XPO7: variants seen among roughly 807,000 people sequenced by gnomAD.
XPO7 encodes exportin-7.
A neutral mutation model predicts 144.3 loss-of-function variants in XPO7; 21 were observed. That is an observed-to-expected ratio of 0.15 (90% CI 0.10 to 0.21). The LOEUF is 0.21. Among genes scored for constraint, XPO7 ranks in the 10% least tolerant of loss-of-function variants. XPO7 has a pLI of 1.00. For synonymous variants in XPO7, 580 were observed against 499.6 expected, an observed-to-expected ratio of 1.16 and a Z score of -2.15; for missense variants, 808 against 1,325.8, an observed-to-expected ratio of 0.61 and a Z score of 6.06.
intron 1 of XPO7, among the ~76,000 whole-genome samples, chr8:21,955,333 C>T (rs1811501921): frequency 6.6e-6 from 1 of 152,040 alleles, no homozygotes; most frequent in African/African-American, 2.4e-5. Flanking sequence ...TGTCTTTTGT[C>T]TTTGGAACAT....
chr8:21,948,312 A>G (rs1811257907), intron 1 of XPO7, among the ~76,000 whole-genome samples: 1 of 152,172 alleles, frequency 6.6e-6, no homozygotes, highest in African/African-American at 2.4e-5. Flanking sequence ...TACTTTAAAC[A>G]TACCTGCTTA....
intron 4 of XPO7, among the ~76,000 whole-genome samples, 196 bp downstream of exon 4, chr8:21,970,506 AAAAC>A (rs1194684468): frequency 6.6e-6 from 1 of 152,218 alleles, no homozygotes; most frequent in Admixed American, 6.5e-5. Flanking sequence ...CATGTTGGCA[AAAAC>A]AAACCATGTC....
At position 21,984,682 on chromosome 8, in the gene XPO7, G is replaced by C. The variant is rs369734325; in HGVS notation, c.1314G>C (p.Leu438=). ...GLEDPLEDTG[L]VQQQLDQLST... ...AAGATCCCCTGGAGGATACGGGGCT[G>C]GTCCAGCAGCAGTTGGACCAGCTGT... is the stretch of plus-strand genomic sequence containing the variant. The change falls in exon 12 of 28, where the codon CTG becomes CTC. Residue 438 remains leucine, a synonymous_variant. Transcript: ENST00000252512. 1 of 1,613,636 alleles carries C rather than the reference G, an allele frequency of 6.2e-7. No individual in the cohort carries two copies. The highest frequency in any genetic ancestry group is 1.3e-5 in the African/African-American group (1 of 74,918).
chr8:21,959,262 A>G (rs1811641029), intron 1 of XPO7, among the ~76,000 whole-genome samples: 1 of 152,198 alleles, frequency 6.6e-6, no homozygotes, highest in South Asian at 2.1e-4. Flanking sequence ...GTGTGCGCTC[A>G]TGCAAGCAAT....
At chr8:21,981,934 G>C in intron 10 of XPO7, 57 bp downstream of exon 10, 2 of 1,597,354 alleles carry the variant, frequency 1.3e-6, no homozygotes, top group Non-Finnish European at 1.7e-6. Flanking sequence ...CTTGCTTGTT[G>C]GTTTTAACCA....
intron 1 of XPO7, among the ~76,000 whole-genome samples, chr8:21,934,977 A>G (rs1207723115): frequency 1.3e-5 from 2 of 152,232 alleles, no homozygotes; most frequent in Non-Finnish European, 2.9e-5. Flanking sequence ...TAATGAAGAA[A>G]AAACTTCATA....
At chr8:21,966,147 G>A (rs948740194) in intron 1 of XPO7, 1 of 643,554 alleles carries the variant, frequency 1.6e-6, no homozygotes, top group Non-Finnish European at 2.8e-6. Context: ...GATTTGGAGA[G>A]AAGAGTTTGC....
chr8:21,935,096 C>T (rs1810779203), intron 1 of XPO7, among the ~76,000 whole-genome samples: 1 of 152,204 alleles, frequency 6.6e-6, no homozygotes, highest in African/African-American at 2.4e-5. Context: ...CCACACTTCC[C>T]ATTTGCATCA....
In XPO7 at chr8:21,982,717, C is replaced by G. The variant is rs200211681; in HGVS notation, c.1182C>G (p.Val394=). The G allele has an allele frequency of 2.5e-6, 4 of 1,613,922 alleles. No individual in the cohort carries two copies. Among genetic ancestry groups the G allele is most frequent in the Non-Finnish European group, 3.4e-6 (4 of 1,179,880 alleles). The change falls in exon 11 of 28, where the codon GTC becomes GTG. Residue 394 remains valine, a synonymous_variant. Coordinates refer to ENST00000252512, the MANE Select transcript of XPO7 (RefSeq NM_015024.5). The part of the protein sequence containing the change: ...WQRLAASVPY[V]KATEPHMLET... ...GGCTGGCAGCCTCTGTGCCGTATGT[C>G]AAAGCCACAGAGCCCCACATGCTGG...
intron 1 of XPO7, among the ~76,000 whole-genome samples, chr8:21,934,409 T>C (rs1585419482): frequency 6.6e-6 from 1 of 152,140 alleles, no homozygotes; most frequent in African/African-American, 2.4e-5. Flanking sequence ...GGCGCATGCC[T>C]GTAATCCCAG....
At chr8:21,944,712 T>G (rs79932574) in intron 1 of XPO7, among the ~76,000 whole-genome samples, 1 of 152,156 alleles carries the variant, frequency 6.6e-6, no homozygotes, top group Admixed American at 6.5e-5. Context: ...CAGATAAACA[T>G]GTGAACAAAG....
intron 3 of XPO7, 180 bp from the exon 4 acceptor site, chr8:21,969,964 C>A: frequency 1.4e-6 from 1 of 692,482 alleles, no homozygotes; most frequent in South Asian, 2.2e-5. Flanking sequence ...ATTAGAACAC[C>A]TACTAATCTT....
intron 1 of XPO7, among the ~76,000 whole-genome samples, chr8:21,943,187 C>T (rs534527215): frequency 6.6e-6 from 1 of 152,322 alleles, no homozygotes; most frequent in South Asian, 2.1e-4. Context: ...CATATATTCT[C>T]ACTAGCTGTT....
intron 1 of XPO7, among the ~76,000 whole-genome samples, chr8:21,934,555 T>C (rs1249363154): frequency 6.6e-6 from 1 of 151,940 alleles, no homozygotes; most frequent in East Asian, 1.9e-4. Context: ...AGAAATATTT[T>C]AAGATAGAGA....
chr8:21,990,790 T>A (rs377272642), intron 17 of XPO7, 21 bp from the exon 18 acceptor site: 18 of 1,612,274 alleles, frequency 1.1e-5, no homozygotes, highest in Non-Finnish European at 1.4e-5. Flanking sequence ...TACCTTTAAC[T>A]TCTTTTCTTT....
intron 17 of XPO7, 80 bp from the exon 18 acceptor site, chr8:21,990,731 C>T: frequency 7.2e-7 from 1 of 1,394,726 alleles, no homozygotes. Flanking sequence ...TGAAAGGGCT[C>T]AGTAATTCTC....
intron 1 of XPO7, among the ~76,000 whole-genome samples, chr8:21,956,269 T>C (rs1811532695): frequency 6.6e-6 from 1 of 152,214 alleles, no homozygotes; most frequent in Non-Finnish European, 1.5e-5. Context: ...GTTCCTTTTG[T>C]GATGTCCAGA....
Position 21,985,644 on chromosome 8 carries a change from T to C in XPO7, c.1530T>C (p.Phe510=). The change falls in exon 13 of 28, where the codon TTT becomes TTC. Residue 510 remains phenylalanine (F), a synonymous_variant. Coordinates refer to ENST00000252512, the MANE Select transcript of XPO7 (RefSeq NM_015024.5). ...IGAVIGGRVS[F]ASTDEQDAMD... ...CAGTGATCGGTGGCCGGGTTTCTTT[T>C]GCCAGCACTGATGAGCAAGACGCCA... 1 of 1,613,898 alleles carries C rather than the reference T, an allele frequency of 6.2e-7. No individual in the cohort carries two copies. The highest frequency in any genetic ancestry group is 1.1e-5 in the South Asian group (1 of 91,074).
chr8:21,963,132 C>G (rs953268356), intron 1 of XPO7, among the ~76,000 whole-genome samples: 5 of 152,150 alleles, frequency 3.3e-5, no homozygotes, highest in Admixed American at 6.5e-5. Flanking sequence ...ATTGGTAAAT[C>G]TACTCTAAGT....
Sources: gnomAD v4.1 joint callset for allele counts (sites outside exome capture counted in the v4.1 genomes callset) on GRCh38, gnomAD v4.1.1 for gene constraint, MANE v1.5 for transcripts, NCBI Gene and HGNC (gene_info 2026-07-23, HGNC 2026-07-21) for gene names.